FRAS1: variants seen among roughly 807,000 people sequenced by gnomAD.
The protein encoded by FRAS1 is extracellular matrix organizing protein FRAS1.
FRAS1 carries 290 observed loss-of-function variants against 435.2 expected under a neutral mutation model. The observed-to-expected ratio is 0.67, with a 90% CI of 0.61 to 0.73. FRAS1 has a LOEUF of 0.73. FRAS1 is among the 30% of genes least tolerant of loss of function. The probability of loss-of-function intolerance (pLI) is 0.00; values close to 1 mark genes in which losing one functional copy is unlikely to be tolerated. For missense variants in FRAS1, 4,860 were observed against 5,001.5 expected (o/e 0.97, Z 0.85); for synonymous variants, 1,800 against 1,851.0 (o/e 0.97, Z 0.71).
intron 6 of FRAS1, among the ~76,000 whole-genome samples, chr4:78,257,889 A>G (rs6822551): frequency 0.91 from 139,187 of 152,272 alleles, 64,750 homozygotes; most frequent in Non-Finnish European, 1. Flanking sequence ...CTTTGTAAAC[A>G]GAGCCATAAC....
intron 2 of FRAS1, among the ~76,000 whole-genome samples, chr4:78,197,026 C>T (rs188394608): frequency 6.6e-6 from 1 of 152,274 alleles, no homozygotes; most frequent in East Asian, 1.9e-4. Flanking sequence ...GGTGAGATTA[C>T]AGGGCTATTA....
intron 2 of FRAS1, among the ~76,000 whole-genome samples, chr4:78,164,617 C>G (rs2110028930): frequency 6.6e-6 from 1 of 152,024 alleles, no homozygotes; most frequent in Non-Finnish European, 1.5e-5. Flanking sequence ...TGGAAAGAAC[C>G]TAAAGTTTAA....
chr4:78,317,525 CATCA>C lies in FRAS1; in HGVS notation c.1960+18_1960+21del, dbSNP rs769296124. ...TCTGCAAAGGTATCGTTGGTGTCAC[CATCA>C]TTCTTGAGAGGCTATCCCACAAGAA... On this transcript the variant is annotated intron_variant, in intron 17 of 73. Coordinates refer to ENST00000512123, the MANE Select transcript of FRAS1 (RefSeq NM_025074.7). 6.2e-7 allele frequency: 1 copy of C among 1,603,656 alleles called. No homozygotes were observed. The highest frequency in any genetic ancestry group is 8.5e-7 in the Non-Finnish European group (1 of 1,175,844).
chr4:78,154,300 T>C (rs1720789716), intron 2 of FRAS1, among the ~76,000 whole-genome samples: 1 of 152,164 alleles, frequency 6.6e-6, no homozygotes, highest in Admixed American at 6.5e-5. Context: ...GAACTAATGG[T>C]GCACACTTTG....
In FRAS1 at chr4:78,424,427, A is replaced by T; in HGVS notation, c.4711+7A>T. 7.1e-7 allele frequency: 1 copy of T among 1,400,468 alleles called. No individual in the cohort carries two copies. 86.8% of individuals were successfully genotyped at this position (1,400,468 alleles called of 1,614,324 possible). A position where few individuals can be genotyped will look rare whatever the true frequency, so the allele number is the denominator to read the frequency against. On this transcript the variant is annotated splice_region_variant and intron_variant, in intron 35 of 73. Coordinates refer to ENST00000512123, the MANE Select transcript of FRAS1 (RefSeq NM_025074.7). The stretch of plus-strand genomic sequence containing the variant: ...GTGAAATTCCACTTCACAGGTAAAG[A>T]TTCATCTAAATTTTACTAGAAAGTG...
In FRAS1 at chr4:78,228,075, T is replaced by G. The variant is rs1237424229; in HGVS notation, c.109-9435T>G. On this transcript the variant is annotated intron_variant, in intron 2 of 73. Transcript: ENST00000512123. ...AAACTAATTATAAAATGAATGATAA[T>G]GATCTAGTGGAGGAAGTTGACAAGA... Among the ~76,000 whole-genome samples, 3 of 152,304 alleles carry G rather than the reference T, an allele frequency of 2.0e-5. No individual in the cohort carries two copies. The East Asian group carries it at 5.8e-4, about 29-fold the overall frequency.
At chr4:78,463,899 A>T in intron 47 of FRAS1, 122 bp from the exon 48 acceptor site, 1 of 1,087,940 alleles carries the variant, frequency 9.2e-7, no homozygotes, top group Non-Finnish European at 1.4e-6. Context: ...TGGAGGAAAT[A>T]AATGCTATAA....
chr4:78,422,046 G>C, intron 34 of FRAS1, 46 bp downstream of exon 34: 2 of 1,563,470 alleles, frequency 1.3e-6, no homozygotes, highest in Non-Finnish European at 1.7e-6. Context: ...GCTCTCTGTG[G>C]CTCTACATGA....
intron 3 of FRAS1, among the ~76,000 whole-genome samples, chr4:78,242,215 A>AT (rs544857908): frequency 8.4e-4 from 128 of 152,260 alleles, no homozygotes; most frequent in African/African-American, 3.0e-3. Context: ...AAAGAAACTG[A>AT]TTTTTAGTGG....
chr4:78,142,328 G>A (rs558672814), intron 2 of FRAS1, among the ~76,000 whole-genome samples: 1 of 151,980 alleles, frequency 6.6e-6, no homozygotes, highest in Non-Finnish European at 1.5e-5. Flanking sequence ...GTGCCCTTCA[G>A]CTACCTGCCA....
At chr4:78,317,530 T>C in intron 17 of FRAS1, 22 bp downstream of exon 17, 1 of 1,600,740 alleles carries the variant, frequency 6.2e-7, no homozygotes, top group Non-Finnish European at 8.5e-7. Flanking sequence ...GTCACCATCA[T>C]TCTTGAGAGG....
chr4:78,499,678 G>A (rs1171166627), intron 60 of FRAS1, 43 bp from the exon 61 acceptor site: 1 of 1,558,882 alleles, frequency 6.4e-7, no homozygotes, highest in Non-Finnish European at 8.8e-7. Context: ...AATCCTTTGT[G>A]CTATTCTAAC....
Position 78,115,857 on chromosome 4 carries a change from T to C in FRAS1, c.108+49841T>C, listed in dbSNP as rs201922027. 2.6e-4 allele frequency among the ~76,000 whole-genome samples: 39 copies of C among 152,166 alleles called. No individual in the cohort carries two copies. In the South Asian group the frequency reaches 2.7e-3, roughly 11 times the overall value. On this transcript the variant is annotated intron_variant, in intron 2 of 73. Coordinates refer to ENST00000512123, the MANE Select transcript of FRAS1 (RefSeq NM_025074.7). ...AGTTCTTCTCTGATCTTAGTTATTT[T>C]TTGCCTTCTGCTAGCTTTTGAGTGT...
chr4:78,325,005 A>G (rs1364562932), intron 18 of FRAS1, among the ~76,000 whole-genome samples: 2 of 152,212 alleles, frequency 1.3e-5, no homozygotes, highest in Non-Finnish European at 2.9e-5. Context: ...CTGTACAACA[A>G]TAATGAGTTT....
chr4:78,380,297 T>C (rs1004477954), intron 27 of FRAS1, among the ~76,000 whole-genome samples: 1 of 151,996 alleles, frequency 6.6e-6, no homozygotes, highest in Non-Finnish European at 1.5e-5. Context: ...AAACTGGTCA[T>C]ATAACTAGAT....
intron 2 of FRAS1, among the ~76,000 whole-genome samples, chr4:78,232,112 A>C (rs899908668): frequency 6.6e-6 from 1 of 152,204 alleles, no homozygotes; most frequent in Non-Finnish European, 1.5e-5. Flanking sequence ...CTAGCTATTG[A>C]AGAACTCTAG....
chr4:78,058,202 A>T, intron 1 of FRAS1, 117 bp downstream of exon 1: 1 of 876,594 alleles, frequency 1.1e-6, no homozygotes, highest in South Asian at 2.1e-5. Context: ...GGTGAGGTGG[A>T]AGTTTTTCTG....
At chr4:78,127,279 C>G (rs771564117) in intron 2 of FRAS1, among the ~76,000 whole-genome samples, 1 of 152,006 alleles carries the variant, frequency 6.6e-6, no homozygotes, top group Non-Finnish European at 1.5e-5. Flanking sequence ...AAGACATGAG[C>G]CTAAAACGAT....
intron 65 of FRAS1, 22 bp from the exon 66 acceptor site, chr4:78,515,777 C>T (rs1721188919): frequency 6.2e-7 from 1 of 1,610,396 alleles, no homozygotes; most frequent in African/African-American, 1.3e-5. Flanking sequence ...GTTATCGTTC[C>T]TTGTTCTTCC....
Sources: gnomAD v4.1 joint callset for allele counts (sites outside exome capture counted in the v4.1 genomes callset) on GRCh38, gnomAD v4.1.1 for gene constraint, MANE v1.5 for transcripts, NCBI Gene and HGNC (gene_info 2026-07-23, HGNC 2026-07-21) for gene names.